The following ERBB4 variants were observed in gnomAD, a reference collection of about 807,000 sequenced individuals.
ERBB4 encodes receptor tyrosine-protein kinase erbB-4.
Under a neutral mutation model 158.0 loss-of-function variants are expected in ERBB4, and 42 were observed. The observed-to-expected ratio is 0.27, with a 90% confidence interval of 0.21 to 0.34. ERBB4 has a LOEUF of 0.34. Among genes scored for constraint, ERBB4 ranks in the 10% least tolerant of loss-of-function variants. ERBB4 has a pLI of 1.00. For missense variants in ERBB4, 1,333 were observed against 1,624.1 expected (o/e 0.82, Z 3.08); for synonymous variants, 583 against 558.7 (o/e 1.04, Z -0.61).
intron 6 of ERBB4, 21 bp from the exon 7 acceptor site, chr2:211,722,555 C>T (rs968334910): frequency 6.2e-7 from 1 of 1,612,926 alleles, no homozygotes; most frequent in South Asian, 1.1e-5. Flanking sequence ...GCAAATATTA[C>T]TTTCATTTAC....
At chr2:211,991,572 G>A (rs2082075607) in intron 2 of ERBB4, among the ~76,000 whole-genome samples, 1 of 152,106 alleles carries the variant, frequency 6.6e-6, no homozygotes, top group African/African-American at 2.4e-5. Context: ...CAGGAAAGGA[G>A]ATATATACTT....
intron 1 of ERBB4, among the ~76,000 whole-genome samples, chr2:212,470,534 C>T (rs905442507): frequency 2.0e-5 from 3 of 152,058 alleles, no homozygotes; most frequent in Admixed American, 6.6e-5. Context: ...CTTTGAATGG[C>T]AAAGTTAAGA....
In ERBB4 at chr2:211,623,946, T is replaced by G; in HGVS notation, c.2178A>C (p.Ser726=). ...TELKRVKVLG[S]GAFGTVYKGI... ...CTTTATAAACCGTTCCAAAAGCACC[T>G]GAGCCAAGGACTTTTACCCTCTTCA... Residue 726 remains serine, a synonymous_variant, in exon 18 of 28, where the codon TCA becomes TCC. Transcript: ENST00000342788. 1 of 1,614,164 alleles carries G rather than the reference T, an allele frequency of 6.2e-7. No homozygotes were observed. The highest frequency in any genetic ancestry group is 8.5e-7 in the Non-Finnish European group (1 of 1,180,008).
At chr2:211,986,183 C>A (rs2081932665) in intron 2 of ERBB4, among the ~76,000 whole-genome samples, 1 of 152,142 alleles carries the variant, frequency 6.6e-6, no homozygotes, top group Admixed American at 6.5e-5. Flanking sequence ...CAGATTCTTT[C>A]TCAGAGTATC....
chr2:212,475,681 C>T (rs1209029195), intron 1 of ERBB4, among the ~76,000 whole-genome samples: 1 of 151,922 alleles, frequency 6.6e-6, no homozygotes, highest in Non-Finnish European at 1.5e-5. Flanking sequence ...AAAAAACACA[C>T]AATTATGTGT....
intron 7 of ERBB4, among the ~76,000 whole-genome samples, chr2:211,718,205 C>A (rs1482725323): frequency 6.6e-6 from 1 of 152,062 alleles, no homozygotes; most frequent in African/African-American, 2.4e-5. Context: ...AGCCACCGTG[C>A]CTGGCCAGAA....
intron 20 of ERBB4, among the ~76,000 whole-genome samples, chr2:211,470,104 G>T (rs138994771): frequency 6.6e-6 from 1 of 151,194 alleles, no homozygotes; most frequent in Admixed American, 6.6e-5. Context: ...GTGATTTCTC[G>T]CTTAAAAAAA....
chr2:211,932,282 A>G (rs1202121133), intron 3 of ERBB4, among the ~76,000 whole-genome samples: 2 of 151,952 alleles, frequency 1.3e-5, no homozygotes, highest in East Asian at 3.9e-4. Context: ...CCCTTCCAAA[A>G]CCATTTCTGA....
chr2:211,872,050 C>A (rs1008237497), intron 3 of ERBB4, among the ~76,000 whole-genome samples: 12 of 151,284 alleles, frequency 7.9e-5, no homozygotes, highest in African/African-American at 2.9e-4. Context: ...GTCAGACATA[C>A]ATTTCAATAA....
At chr2:212,357,077 G>T (rs1348286805) in intron 1 of ERBB4, among the ~76,000 whole-genome samples, 1 of 151,852 alleles carries the variant, frequency 6.6e-6, no homozygotes. Context: ...ATACATAAGT[G>T]TCTTATCCTT....
At chr2:211,406,050 CTT>C (rs950607602) in intron 25 of ERBB4, among the ~76,000 whole-genome samples, 3 of 152,178 alleles carry the variant, frequency 2.0e-5, no homozygotes, top group Non-Finnish European at 4.4e-5. Context: ...TCAAATCTCT[CTT>C]TGTTTTAATT....
chr2:212,178,617 T>C (rs2081754824), intron 1 of ERBB4, among the ~76,000 whole-genome samples: 1 of 151,716 alleles, frequency 6.6e-6, no homozygotes, highest in African/African-American at 2.4e-5. Flanking sequence ...GGTAAAAATA[T>C]ATATCATGAA....
chr2:212,064,868 A>C (rs956560074), intron 2 of ERBB4, among the ~76,000 whole-genome samples: 8 of 152,192 alleles, frequency 5.3e-5, no homozygotes, highest in Non-Finnish European at 1.2e-4. Context: ...TGTCAGTATT[A>C]AAATTTCTGA....
rs900359714 is a variant in ERBB4 at position 211,656,672 on chromosome 2, T to G, written c.1946+1082A>C. 1.4e-4 allele frequency among the ~76,000 whole-genome samples: 21 copies of G among 152,232 alleles called. 1 individual carries two copies. The highest frequency in any genetic ancestry group is 3.6e-4 in the African/African-American group (15 of 41,464). The stretch of plus-strand genomic sequence containing the variant: ...GATCTCCAGCTCTTGGCAACATTTC[T>G]GTCCTGATGGTTTCACCTTTTCCAG... On this transcript the variant is annotated intron_variant, in intron 16 of 27. Coordinates refer to ENST00000342788, the MANE Select transcript of ERBB4 (RefSeq NM_005235.3).
At position 211,544,133 on chromosome 2, in the gene ERBB4, G is replaced by C. The variant is rs888788652; in HGVS notation, c.2487+17770C>G. 1.3e-5 allele frequency among the ~76,000 whole-genome samples: 2 copies of C among 152,104 alleles called. 1 individual carries two copies. The highest frequency in any genetic ancestry group is 4.1e-4 in the South Asian group (2 of 4,830). On this transcript the variant is annotated intron_variant, in intron 20 of 27. Coordinates refer to ENST00000342788, the MANE Select transcript of ERBB4 (RefSeq NM_005235.3). ...ATGGAATAAATTATCACCCCACCTA[G>C]TCGTGTTTTAATAGAAACTTTTCAT...
chr2:212,208,003 C>T (rs139945850), intron 1 of ERBB4, among the ~76,000 whole-genome samples: 13 of 152,220 alleles, frequency 8.5e-5, no homozygotes, highest in African/African-American at 1.2e-4. Flanking sequence ...TAAAATCTGA[C>T]TCTCAGAAGT....
chr2:211,575,437 CT>C (rs1303715723), intron 19 of ERBB4, among the ~76,000 whole-genome samples: 1 of 152,108 alleles, frequency 6.6e-6, no homozygotes, highest in Non-Finnish European at 1.5e-5. Flanking sequence ...GAATGTGAAT[CT>C]AAAAGTGCTG....
rs192650545 is a variant in ERBB4, at chr2:212,223,755, G to T, written c.83-98852C>A. 1.7e-3 allele frequency among the ~76,000 whole-genome samples: 257 copies of T among 151,524 alleles called. 1 individual carries two copies. The highest frequency in any genetic ancestry group is 3.3e-3 in the Non-Finnish European group (223 of 67,710). On this transcript the variant is annotated intron_variant, in intron 1 of 27. Coordinates refer to ENST00000342788, the MANE Select transcript of ERBB4 (RefSeq NM_005235.3). ...AATTATTTTTAATTAATATTACATT[G>T]GTAAATCACTGTCATCTGATATATA... is the stretch of plus-strand genomic sequence containing the variant.
chr2:211,937,719 C>T (rs1313967718), intron 3 of ERBB4, among the ~76,000 whole-genome samples: 1 of 152,068 alleles, frequency 6.6e-6, no homozygotes, highest in African/African-American at 2.4e-5. Context: ...AGAACTAACT[C>T]ACTATCATGA....
Sources: gnomAD v4.1 joint callset for allele counts (sites outside exome capture counted in the v4.1 genomes callset) on GRCh38, gnomAD v4.1.1 for gene constraint, MANE v1.5 for transcripts, NCBI Gene and HGNC (gene_info 2026-07-23, HGNC 2026-07-21) for gene names.